ATP8A2: variants seen among roughly 807,000 people sequenced by gnomAD.
The protein encoded by ATP8A2 is ATPase phospholipid transporting 8A2, also known as phospholipid-transporting ATPase IB.
Under a neutral mutation model 165.6 loss-of-function variants are expected in ATP8A2, and 100 were observed. That is an observed-to-expected ratio of 0.60 (90% CI 0.51 to 0.71). The LOEUF is 0.71. ATP8A2 is among the 30% of genes least tolerant of loss of function. The pLI, the probability that ATP8A2 is intolerant of heterozygous loss-of-function variation, is 0.00. For missense variants in ATP8A2, 1,227 were observed against 1,479.5 expected (o/e 0.83, Z 2.80); for synonymous variants, 543 against 548.8 (o/e 0.99, Z 0.15).
Position 26,020,028 on chromosome 13 carries a change from T to A in ATP8A2, c.*43T>A. ...CTGATCTTAGGAAAGAGATTCAGTT[T>A]GTTGCACCCAGTGTTAACACATCTT... On this transcript the variant is annotated 3_prime_UTR_variant, in exon 37 of 37. Transcript: ENST00000381655. 7.2e-7 allele frequency: 1 copy of A among 1,391,212 alleles called. No individual in the cohort carries two copies. The highest frequency in any genetic ancestry group is 1.2e-5 in the South Asian group (1 of 86,014). The allele number at this position is 1,391,212 out of a possible 1,614,324, so 86.2% of individuals were successfully genotyped here.
intron 24 of ATP8A2, among the ~76,000 whole-genome samples, chr13:25,614,704 G>A (rs1298170139): frequency 6.6e-6 from 1 of 152,160 alleles, no homozygotes; most frequent in Non-Finnish European, 1.5e-5. Flanking sequence ...TTCTCTTGAT[G>A]TGGTGCTCTC....
At chr13:25,589,357 C>T (rs192944638) in intron 23 of ATP8A2, among the ~76,000 whole-genome samples, 12 of 152,220 alleles carry the variant, frequency 7.9e-5, no homozygotes, top group Non-Finnish European at 1.5e-4. Context: ...CGATCCAAGG[C>T]TTATCTTAAT....
At chr13:25,434,266 A>G (rs1019954884) in intron 1 of ATP8A2, among the ~76,000 whole-genome samples, 2 of 152,284 alleles carry the variant, frequency 1.3e-5, no homozygotes, top group East Asian at 1.9e-4. Flanking sequence ...TCATTTATTC[A>G]GGACTCATAC....
At chr13:25,644,838 T>C (rs1243623407) in intron 24 of ATP8A2, among the ~76,000 whole-genome samples, 1 of 152,160 alleles carries the variant, frequency 6.6e-6, no homozygotes, top group Non-Finnish European at 1.5e-5. Context: ...TTTTGGGGAA[T>C]ATAATTTGTT....
intron 1 of ATP8A2, among the ~76,000 whole-genome samples, chr13:25,419,100 T>A (rs78603151): frequency 6.6e-6 from 1 of 152,146 alleles, no homozygotes; most frequent in Non-Finnish European, 1.5e-5. Flanking sequence ...CACGCACGTG[T>A]TGAGGAAAAG....
At chr13:25,852,738 A>G in intron 30 of ATP8A2, among the ~76,000 whole-genome samples, 1 of 151,992 alleles carries the variant, frequency 6.6e-6, no homozygotes, top group East Asian at 1.9e-4. Context: ...GCACTTTGGG[A>G]GGCCGAGGCA....
chr13:25,495,538 C>T (rs1307445111), intron 2 of ATP8A2, among the ~76,000 whole-genome samples: 1 of 151,560 alleles, frequency 6.6e-6, no homozygotes, highest in Admixed American at 6.6e-5. Flanking sequence ...TAGCTCATTG[C>T]AGGCTCCAAC....
chr13:25,612,551 T>C (rs1344941377), intron 24 of ATP8A2, among the ~76,000 whole-genome samples: 1 of 152,236 alleles, frequency 6.6e-6, no homozygotes, highest in Non-Finnish European at 1.5e-5. Context: ...TTTTGTGGCC[T>C]ATCATATGGT....
At chr13:25,522,240 A>G (rs777999696) in intron 2 of ATP8A2, among the ~76,000 whole-genome samples, 3 of 152,104 alleles carry the variant, frequency 2.0e-5, no homozygotes, top group South Asian at 4.1e-4. Context: ...ATTGTAAATG[A>G]GATTGTTTTC....
At chr13:25,954,744 G>A (rs1955478540) in intron 33 of ATP8A2, among the ~76,000 whole-genome samples, 1 of 152,200 alleles carries the variant, frequency 6.6e-6, no homozygotes, top group African/African-American at 2.4e-5. Flanking sequence ...CAGCAGACCT[G>A]CAGCAGAGGG....
At chr13:25,945,810 G>A (rs770689964) in intron 33 of ATP8A2, among the ~76,000 whole-genome samples, 26 of 152,218 alleles carry the variant, frequency 1.7e-4, no homozygotes, top group Non-Finnish European at 3.4e-4. Flanking sequence ...GGGCTCAGAC[G>A]CCTGGTACTG....
intron 33 of ATP8A2, among the ~76,000 whole-genome samples, chr13:25,919,897 C>T (rs1194618890): frequency 6.6e-6 from 1 of 152,120 alleles, no homozygotes; most frequent in Non-Finnish European, 1.5e-5. Context: ...GGCAGTGCCC[C>T]CACCTCAGCC....
chr13:25,435,918 T>TGTGTGTGAGTGA (rs199971520), intron 1 of ATP8A2, among the ~76,000 whole-genome samples: 61,598 of 126,714 alleles, frequency 0.49, 13,784 homozygotes, highest in East Asian at 0.63. Context: ...GCATCGTGTG[T>TGTGTGTGAGTGA]GTGTGTGTGT....
At chr13:25,556,699 C>T (rs2038991586) in intron 13 of ATP8A2, among the ~76,000 whole-genome samples, 1 of 152,114 alleles carries the variant, frequency 6.6e-6, no homozygotes, top group Non-Finnish European at 1.5e-5. Context: ...TCATTTCATA[C>T]ACCTTATTCA....
intron 33 of ATP8A2, among the ~76,000 whole-genome samples, chr13:25,955,908 A>C (rs1035352452): frequency 9.9e-5 from 15 of 152,230 alleles, no homozygotes; most frequent in Admixed American, 9.8e-4. Flanking sequence ...CCAGCAGCGC[A>C]TCAAAAAACT....
Position 25,466,343 on chromosome 13 carries a change from T to C in ATP8A2, c.77-2634T>C, listed in dbSNP as rs983917351. The stretch of plus-strand genomic sequence containing the variant: ...TGCCCTTGCCCACAATGCCCTTCCC[T>C]TTCCTACAATGCCCTTCCCTTTCCT... On this transcript the variant is annotated intron_variant, in intron 1 of 36. Coordinates refer to ENST00000381655, the MANE Select transcript of ATP8A2 (RefSeq NM_016529.6). 3.3e-5 allele frequency among the ~76,000 whole-genome samples: 5 copies of C among 152,170 alleles called. No individual in the cohort carries two copies. In the South Asian group the frequency reaches 1.0e-3, roughly 32 times the overall value.
At chr13:25,692,093 C>T (rs7987862) in intron 24 of ATP8A2, among the ~76,000 whole-genome samples, 42,003 of 151,626 alleles carry the variant, frequency 0.28, 6,051 homozygotes, top group South Asian at 0.46. Flanking sequence ...TGGGGGAGGG[C>T]GATGGTGAGA....
Position 25,757,812 on chromosome 13 carries a change from C to G in ATP8A2, c.2385-11234C>G, listed in dbSNP as rs192105536. Among the ~76,000 whole-genome samples the G allele has an allele frequency of 1.3e-3, 192 of 152,218 alleles. 4 individuals are homozygous for G. In the South Asian group the frequency reaches 0.032, roughly 25 times the overall value. On this transcript the variant is annotated intron_variant, in intron 25 of 36. Coordinates refer to ENST00000381655, the MANE Select transcript of ATP8A2 (RefSeq NM_016529.6). ...GGAACTTTCTTCATTCTCAACTCCC[C>G]CTTTGGTACCCTCCCAATCCAAGCG...
intron 28 of ATP8A2, among the ~76,000 whole-genome samples, chr13:25,834,917 G>A (rs187120966): frequency 1.3e-5 from 2 of 152,238 alleles, no homozygotes; most frequent in East Asian, 3.9e-4. Flanking sequence ...AAAGTGCTAG[G>A]ATTGCAGGCA....
Sources: gnomAD v4.1 joint callset for allele counts (sites outside exome capture counted in the v4.1 genomes callset) on GRCh38, gnomAD v4.1.1 for gene constraint, MANE v1.5 for transcripts, NCBI Gene and HGNC (gene_info 2026-07-23, HGNC 2026-07-21) for gene names.